EHBP1: variants seen among roughly 807,000 people sequenced by gnomAD.
EHBP1 encodes EH domain binding protein 1, also known as EH domain-binding protein 1.
In EHBP1, 55 loss-of-function variants were observed where a neutral mutation model predicts 144.0. The observed-to-expected ratio is 0.38, with a 90% CI of 0.31 to 0.48. The LOEUF (loss-of-function observed/expected upper bound fraction) is 0.48, where lower values mean the gene tolerates loss of function less well. Among genes scored for constraint, EHBP1 ranks in the 20% least tolerant of loss-of-function variants. The pLI, the probability that EHBP1 is intolerant of heterozygous loss-of-function variation, is 0.98. For synonymous variants in EHBP1, 469 were observed against 472.7 expected (o/e 0.99, Z 0.10); for missense variants, 1,200 against 1,364.2 (o/e 0.88, Z 1.90).
At chr2:62,716,128 T>C (rs2151886171) in intron 2 of EHBP1, among the ~76,000 whole-genome samples, 1 of 152,256 alleles carries the variant, frequency 6.6e-6, no homozygotes, top group Non-Finnish European at 1.5e-5. Context: ...CCCACCCATT[T>C]CTTGCCCCAC....
At chr2:62,695,059 A>G (rs924097264) in intron 1 of EHBP1, among the ~76,000 whole-genome samples, 1 of 152,198 alleles carries the variant, frequency 6.6e-6, no homozygotes, top group Non-Finnish European at 1.5e-5. Context: ...CAATTCAAGT[A>G]CAAAATAAAA....
chr2:62,923,908 G>A (rs1194763302), intron 10 of EHBP1, among the ~76,000 whole-genome samples: 3 of 152,140 alleles, frequency 2.0e-5, no homozygotes, highest in Non-Finnish European at 2.9e-5. Flanking sequence ...GCAACTCTGC[G>A]ATCCACCTCC....
At chr2:62,718,082 G>A (rs1407387550) in intron 2 of EHBP1, among the ~76,000 whole-genome samples, 1 of 152,164 alleles carries the variant, frequency 6.6e-6, no homozygotes, top group Non-Finnish European at 1.5e-5. Flanking sequence ...AATAAAATAT[G>A]ACATTAGATA....
chr2:62,823,371 ACT>A (rs1328245184), intron 5 of EHBP1, among the ~76,000 whole-genome samples: 2 of 151,600 alleles, frequency 1.3e-5, no homozygotes, highest in East Asian at 3.9e-4. Flanking sequence ...AGCTCCTCTT[ACT>A]CTTTTTTCTC....
rs370006956 is a variant in EHBP1 at position 62,778,500 on chromosome 2, C to T, written c.312+7108C>T. Among the ~76,000 whole-genome samples the T allele has an allele frequency of 2.5e-4, 37 of 149,214 alleles. 1 individual carries two copies. The South Asian group carries it at 2.5e-3, about 10-fold the overall frequency. ...TTGAGACTGTAATGAGCTCTCATTG[C>T]GCCACTGTACTCCAGCCTGGGCGAC... On this transcript the variant is annotated intron_variant, in intron 5 of 22. Coordinates refer to ENST00000431489, the MANE Select transcript of EHBP1 (RefSeq NM_001142616.3).
At chr2:62,918,410 A>C (rs1174476187) in intron 10 of EHBP1, among the ~76,000 whole-genome samples, 1 of 152,150 alleles carries the variant, frequency 6.6e-6, no homozygotes, top group East Asian at 1.9e-4. Context: ...GCAGATAATC[A>C]TACAGTATCC....
At chr2:62,935,339 A>C (rs2056300923) in intron 10 of EHBP1, among the ~76,000 whole-genome samples, 1 of 141,694 alleles carries the variant, frequency 7.1e-6, no homozygotes, top group Non-Finnish European at 1.5e-5. Context: ...AAAAAAAAAA[A>C]AAAAAATATA....
intron 7 of EHBP1, among the ~76,000 whole-genome samples, chr2:62,849,265 G>A (rs1410622321): frequency 6.6e-6 from 1 of 152,074 alleles, no homozygotes; most frequent in Non-Finnish European, 1.5e-5. Flanking sequence ...CTGCATTGCT[G>A]AGAGGAACCC....
At chr2:62,778,751 T>TTTAATAAGAAGTTTAATTG (rs2042221139) in intron 5 of EHBP1, among the ~76,000 whole-genome samples, 1 of 152,188 alleles carries the variant, frequency 6.6e-6, no homozygotes, top group Non-Finnish European at 1.5e-5. Context: ...TAAGTTTAAA[T>TTTAATAAGAAGTTTAATTG]CCTTCTCCAA....
chr2:62,864,573 C>T (rs906861796), intron 8 of EHBP1, among the ~76,000 whole-genome samples, 158 bp from the exon 9 acceptor site: 5 of 152,094 alleles, frequency 3.3e-5, no homozygotes, highest in African/African-American at 1.2e-4. Flanking sequence ...GACTACTTAG[C>T]CCCTCTAAAA....
At chr2:62,954,818 A>G (rs1382105412) in intron 13 of EHBP1, among the ~76,000 whole-genome samples, 2 of 151,942 alleles carry the variant, frequency 1.3e-5, no homozygotes. Context: ...TACTTAGTAG[A>G]AAAAAAAGGA....
chr2:63,011,996 C>G (rs2060287138), intron 19 of EHBP1, among the ~76,000 whole-genome samples: 1 of 151,590 alleles, frequency 6.6e-6, no homozygotes, highest in Admixed American at 6.6e-5. Context: ...ATATAAGTAG[C>G]CACATCATAG....
At chr2:62,823,964 C>T (rs971086059) in intron 5 of EHBP1, among the ~76,000 whole-genome samples, 3 of 151,978 alleles carry the variant, frequency 2.0e-5, no homozygotes, top group African/African-American at 7.2e-5. Context: ...CAAATAATTG[C>T]TTAAGTAGTA....
At chr2:62,855,598 T>C (rs1331730745) in intron 7 of EHBP1, among the ~76,000 whole-genome samples, 1 of 152,102 alleles carries the variant, frequency 6.6e-6, no homozygotes, top group African/African-American at 2.4e-5. Flanking sequence ...CCAATCAGCA[T>C]GCAATTCCTC....
In EHBP1 at chr2:62,927,708, G is replaced by A. The variant is rs374126524; in HGVS notation, c.1186-15010G>A. Among the ~76,000 whole-genome samples the A allele has an allele frequency of 2.0e-5, 3 of 152,104 alleles. No homozygotes were observed. In the East Asian group the frequency reaches 5.8e-4, roughly 29 times the overall value. Reference sequence around the variant, plus strand: ...ACCCCACTCACAATAATGGATAGAAGAATCAGGTAAAATTAGGAAAGTAGA... The same window carrying A: ...ACCCCACTCACAATAATGGATAGAAAAATCAGGTAAAATTAGGAAAGTAGA... On this transcript the variant is annotated intron_variant, in intron 10 of 22. Coordinates refer to ENST00000431489, the MANE Select transcript of EHBP1 (RefSeq NM_001142616.3).
chr2:62,714,211 C>T (rs907230384), intron 2 of EHBP1, among the ~76,000 whole-genome samples: 1 of 152,034 alleles, frequency 6.6e-6, no homozygotes, highest in Non-Finnish European at 1.5e-5. Context: ...CATGGTGAGA[C>T]CCTATCTCTT....
intron 2 of EHBP1, among the ~76,000 whole-genome samples, chr2:62,714,050 G>A (rs2035422017): frequency 6.6e-6 from 1 of 152,054 alleles, no homozygotes; most frequent in Non-Finnish European, 1.5e-5. Context: ...GAGTTGGCAG[G>A]CAAACTCTGG....
intron 7 of EHBP1, among the ~76,000 whole-genome samples, chr2:62,842,914 G>A (rs930494140): frequency 6.6e-6 from 1 of 152,194 alleles, no homozygotes; most frequent in Admixed American, 6.5e-5. Flanking sequence ...GAAAGGAAGA[G>A]TGAGAACAGT....
At chr2:62,812,509 C>G (rs906169648) in intron 5 of EHBP1, among the ~76,000 whole-genome samples, 6 of 152,028 alleles carry the variant, frequency 3.9e-5, no homozygotes, top group Admixed American at 6.6e-5. Context: ...GAGCCTAGCT[C>G]TTTTTAGAGG....
Sources: gnomAD v4.1 joint callset for allele counts (sites outside exome capture counted in the v4.1 genomes callset) on GRCh38, gnomAD v4.1.1 for gene constraint, MANE v1.5 for transcripts, NCBI Gene and HGNC (gene_info 2026-07-23, HGNC 2026-07-21) for gene names.